Variants in ACOT9 observed in about 807,000 individuals in gnomAD.
ACOT9 encodes the protein acyl-coenzyme A thioesterase 9, mitochondrial.
A neutral mutation model predicts 39.7 loss-of-function variants in ACOT9; 34 were observed. That is an observed-to-expected ratio of 0.86 (90% CI 0.65 to 1.14). ACOT9 has a LOEUF of 1.14. Ranked by LOEUF, ACOT9 falls within the 50% of genes most tolerant of loss-of-function variation. The pLI, the probability that ACOT9 is intolerant of heterozygous loss-of-function variation, is 0.00. For missense variants in ACOT9, 313 were observed against 344.1 expected (o/e 0.91, Z 0.71); for synonymous variants, 110 against 120.5 (o/e 0.91, Z 0.57).
At chrX:23,718,206 G>A (rs1441496399) in intron 8 of ACOT9, among the ~76,000 whole-genome samples, 14 of 111,437 alleles carry the variant, frequency 1.3e-4, no homozygotes, top group Non-Finnish European at 2.6e-4. Flanking sequence ...ATGGTACTCT[G>A]TTACTATTTT....
chrX:23,730,087 A>G (rs1451602326), intron 6 of ACOT9, among the ~76,000 whole-genome samples: 1 of 86,839 alleles, frequency 1.2e-5, no homozygotes, highest in African/African-American at 4.6e-5. Context: ...GAAGTAGTAG[A>G]TGCCATTTTT....
At chrX:23,730,747 G>A (rs772361209) in intron 5 of ACOT9, 69 bp downstream of exon 5, 53 of 1,064,092 alleles carry the variant, frequency 5.0e-5, no homozygotes, top group Non-Finnish European at 6.6e-5. Flanking sequence ...TATGGTGTGT[G>A]AATTATATTT....
chrX:23,719,840 C>CT (rs1569193469), intron 8 of ACOT9, among the ~76,000 whole-genome samples: 77 of 44,534 alleles, frequency 1.7e-3, no homozygotes, highest in Non-Finnish European at 6.2e-4. Flanking sequence ...ATGAATAAGT[C>CT]ATTTTTTTTT....
intron 8 of ACOT9, among the ~76,000 whole-genome samples, chrX:23,719,587 GGATGAAA>G (rs1309334293): frequency 3.6e-5 from 4 of 110,706 alleles, no homozygotes; most frequent in Non-Finnish European, 7.6e-5. Context: ...GATGGTTTTG[GGATGAAA>G]CTGCTCCGCC....
At position 23,730,963 on chromosome X, in the gene ACOT9, T is replaced by C. The variant is rs35412966; in HGVS notation, c.215A>G (p.Glu72Gly). ...CAAGAAACTATGAAGTAATTTCCTT[T>C]CTTCCATTGCCTTCACATGGTCTCT... ...NWRDHVKAME[E>G]RKLLHSFLAK... Residue 72 changes from glutamate to glycine, a missense_variant, in exon 5 of 16, where the codon GAA (glutamate) becomes GGA (glycine). Transcript: ENST00000379303. 3.9e-4 allele frequency: 477 copies of C among 1,208,643 alleles called. 1 individual carries two copies. The African/African-American group carries it at 7.0e-3, about 18-fold the overall frequency.
rs988130222 is a variant in ACOT9, at chrX:23,702,610, G to A, written c.*1284C>T. On this transcript the variant is annotated 3_prime_UTR_variant, in exon 16 of 16. Transcript: ENST00000379303. The stretch of plus-strand genomic sequence containing the variant: ...CTTCCTAGGTGACACTGTGATATTC[G>A]GTATGACCTCCCTTGCTCTATTCCT... The A allele has an allele frequency of 2.7e-5, 3 of 111,362 alleles. No individual in the cohort carries two copies. The highest frequency in any genetic ancestry group is 2.8e-4 in the East Asian group (1 of 3,554). 9.2% of individuals were successfully genotyped at this position (111,362 alleles called of 1,213,427 possible).
intron 10 of ACOT9, 67 bp downstream of exon 10, chrX:23,707,810 A>T: frequency 1.2e-6 from 1 of 832,141 alleles, no homozygotes; most frequent in Non-Finnish European, 1.7e-6. Context: ...AAAATCTTAA[A>T]TAATCTCTTC....
Position 23,722,718 on chromosome X carries a change from C to A in ACOT9, c.436G>T (p.Ala146Ser), listed in dbSNP as rs370320089. ...ACTATCGATAAAGGAGACATCTTGGCGGAGTGGATTTTGTTGTGCATGTAA... is the reference window on the plus strand; with the variant it reads ...ACTATCGATAAAGGAGACATCTTGGAGGAGTGGATTTTGTTGTGCATGTAA... ...ICYMHNKIHS[A>S]KMSPLSIVTA... Residue 146 changes from alanine to serine, a missense_variant, in exon 7 of 16, where the codon GCC (alanine) becomes TCC (serine). Transcript: ENST00000379303. 7 of 1,202,661 alleles carry A rather than the reference C, an allele frequency of 5.8e-6. No individual in the cohort carries two copies. In the Admixed American group the frequency reaches 1.1e-4, roughly 19 times the overall value.
chrX:23,703,092 A>C lies in ACOT9; in HGVS notation c.*802T>G, dbSNP rs919601628. ...TCTTCCCACAAATCTTTACGGATGCAGTAACTTTTGTTAAATCCCTTCGCC... is the reference window on the plus strand; with the variant it reads ...TCTTCCCACAAATCTTTACGGATGCCGTAACTTTTGTTAAATCCCTTCGCC... On this transcript the variant is annotated 3_prime_UTR_variant, in exon 16 of 16. Transcript: ENST00000379303. The C allele has an allele frequency of 2.7e-5, 3 of 111,718 alleles. No homozygotes were observed. Among genetic ancestry groups the C allele is most frequent in the Non-Finnish European group, 5.6e-5 (3 of 53,212 alleles). 9.2% of individuals were successfully genotyped at this position (111,718 alleles called of 1,213,427 possible).
intron 6 of ACOT9, among the ~76,000 whole-genome samples, chrX:23,726,231 A>AT (rs2146842440): frequency 8.9e-6 from 1 of 111,868 alleles, no homozygotes; most frequent in African/African-American, 3.2e-5. Flanking sequence ...ATAAAATAAA[A>AT]TAAATTCAAA....
rs201104901 is a variant in ACOT9 at position 23,704,806 on chromosome X, T to C, written c.1146A>G (p.Val382=). 6 of 1,209,351 alleles carry C rather than the reference T, an allele frequency of 5.0e-6. No homozygotes were observed. In the African/African-American group the frequency reaches 8.7e-5, roughly 18 times the overall value. The change falls in exon 15 of 16, where the codon GTA becomes GTG. Residue 382 remains valine, a synonymous_variant. Coordinates refer to ENST00000379303, the MANE Select transcript of ACOT9 (RefSeq NM_001037171.2). ...FTQNNYIQVR[V]HSEVASLQEK... Reference sequence around the variant, plus strand: ...CCTGCAGGGAGGCCACTTCACTGTGTACTCTGACTTGAATATAATTATTCT... The same window carrying C: ...CCTGCAGGGAGGCCACTTCACTGTGCACTCTGACTTGAATATAATTATTCT...
intron 6 of ACOT9, among the ~76,000 whole-genome samples, chrX:23,724,518 T>C (rs1194815742): frequency 9.1e-6 from 1 of 109,581 alleles, no homozygotes; most frequent in Non-Finnish European, 1.9e-5. Context: ...AAGCCTGTAA[T>C]CCCAGCACTT....
intron 8 of ACOT9, among the ~76,000 whole-genome samples, chrX:23,718,628 G>A (rs1324762031): frequency 8.1e-5 from 9 of 111,764 alleles, no homozygotes; most frequent in South Asian, 7.4e-4. Context: ...AGAACAGGCC[G>A]GGCACGGTGG....
At chrX:23,718,113 T>C (rs1274522290) in intron 8 of ACOT9, among the ~76,000 whole-genome samples, 1 of 109,493 alleles carries the variant, frequency 9.1e-6, no homozygotes, top group Non-Finnish European at 1.9e-5. Context: ...TTTCCAACAG[T>C]GGTTACTGTG....
chrX:23,724,220 C>A (rs1216019860), intron 6 of ACOT9, among the ~76,000 whole-genome samples: 2 of 111,168 alleles, frequency 1.8e-5, no homozygotes, highest in African/African-American at 3.3e-5. Flanking sequence ...CATGATCATG[C>A]CGCTACACTC....
intron 2 of ACOT9, among the ~76,000 whole-genome samples, chrX:23,735,611 A>G (rs1929927707): frequency 9.0e-6 from 1 of 111,217 alleles, no homozygotes; most frequent in Non-Finnish European, 1.9e-5. Flanking sequence ...TTTACTTGAT[A>G]CAACTAATGG....
rs1359620323 is a variant in ACOT9 at position 23,704,832 on chromosome X, G to C, written c.1120C>G (p.Gln374Glu). ...ACTCTGACTTGAATATAATTATTCT[G>C]AGTAAAGCATACCTAACAGATTATA... is the stretch of plus-strand genomic sequence containing the variant. ...LFLSSQVCFTQNNYIQVRVHS... is the reference protein window; with the variant it reads ...LFLSSQVCFTENNYIQVRVHS... Residue 374 changes from glutamine to glutamate, a missense_variant, in exon 15 of 16, where the codon CAG becomes GAG. Gln to Glu is a conservative substitution (Grantham distance 29). Transcript: ENST00000379303. The C allele has an allele frequency of 8.3e-7, 1 of 1,207,722 alleles. No homozygotes were observed. Among genetic ancestry groups the C allele is most frequent in the Admixed American group, 2.2e-5 (1 of 45,420 alleles).
At chrX:23,716,204 C>T (rs1450816298) in intron 8 of ACOT9, among the ~76,000 whole-genome samples, 1 of 111,850 alleles carries the variant, frequency 8.9e-6, no homozygotes, top group Non-Finnish European at 1.9e-5. Flanking sequence ...AATGTGGATA[C>T]AGAGCCAGAG....
intron 6 of ACOT9, among the ~76,000 whole-genome samples, chrX:23,723,563 A>G (rs1284523087): frequency 1.0e-5 from 1 of 98,016 alleles, no homozygotes; most frequent in African/African-American, 3.9e-5. Context: ...AGATCGTACC[A>G]CTGCACTCCA....
Sources: gnomAD v4.1 joint callset for allele counts (sites outside exome capture counted in the v4.1 genomes callset) on GRCh38, gnomAD v4.1.1 for gene constraint, MANE v1.5 for transcripts, NCBI Gene and HGNC (gene_info 2026-07-23, HGNC 2026-07-21) for gene names.